Variants in MGMT observed in about 807,000 individuals in gnomAD.
The protein encoded by MGMT is methylated-DNA--protein-cysteine methyltransferase.
In MGMT, 14 loss-of-function variants were observed where a neutral mutation model predicts 15.9. The observed-to-expected ratio is 0.88, with a 90% confidence interval of 0.58 to 1.37. The LOEUF is 1.37. Among genes scored for constraint, MGMT ranks in the 40% most tolerant of loss-of-function variants. The probability of loss-of-function intolerance (pLI) is 0.00; values close to 1 mark genes in which losing one functional copy is unlikely to be tolerated. For missense variants in MGMT, 282 were observed against 268.1 expected (o/e 1.05, Z -0.36); for synonymous variants, 130 against 118.2 (o/e 1.10, Z -0.65).
intron 3 of MGMT, among the ~76,000 whole-genome samples, chr10:129,754,121 A>T (rs554197484): frequency 3.3e-5 from 5 of 152,256 alleles, no homozygotes; most frequent in East Asian, 1.9e-4. Flanking sequence ...TTAGGGTCAG[A>T]TACACATGTG....
At chr10:129,675,511 C>A (rs186643039) in intron 2 of MGMT, among the ~76,000 whole-genome samples, 12 of 152,274 alleles carry the variant, frequency 7.9e-5, no homozygotes, top group Admixed American at 2.0e-4. Context: ...GCCCGTGTTG[C>A]TGGCATGTGT....
chr10:129,768,817 C>T lies in MGMT; in HGVS notation c.*1820C>T, dbSNP rs532459245. On this transcript the variant is annotated 3_prime_UTR_variant, in exon 5 of 5. Coordinates refer to ENST00000651593, the MANE Select transcript of MGMT (RefSeq NM_002412.5). ...GTGGCTGGGCGGCACCCCGATGGCT[C>T]CCTGTGCTCCCTGAGACCCTACAGG... 2 of 152,560 alleles carry T rather than the reference C, an allele frequency of 1.3e-5. No homozygotes were observed. Among genetic ancestry groups the T allele is most frequent in the African/African-American group, 2.4e-5 (1 of 41,600 alleles). The allele number at this position is 152,560 out of a possible 1,614,324, so 9.5% of individuals were successfully genotyped here.
intron 2 of MGMT, among the ~76,000 whole-genome samples, chr10:129,670,992 GTC>G (rs1224067693): frequency 6.6e-6 from 1 of 152,028 alleles, no homozygotes; most frequent in Non-Finnish European, 1.5e-5. Context: ...TCCTTTCTGT[GTC>G]TGTAGCCTTC....
At chr10:129,605,918 G>A (rs1300600519) in intron 2 of MGMT, among the ~76,000 whole-genome samples, 1 of 152,004 alleles carries the variant, frequency 6.6e-6, no homozygotes, top group Admixed American at 6.6e-5. Flanking sequence ...AATAAAGAGG[G>A]ACATGAGTTA....
At chr10:129,642,585 C>T (rs1258240972) in intron 2 of MGMT, among the ~76,000 whole-genome samples, 3 of 152,194 alleles carry the variant, frequency 2.0e-5, no homozygotes, top group Non-Finnish European at 2.9e-5. Flanking sequence ...TGTCTGGCCT[C>T]AGGGGTGTGT....
chr10:129,506,811 T>C (rs886756256), intron 1 of MGMT, among the ~76,000 whole-genome samples: 1 of 152,130 alleles, frequency 6.6e-6, no homozygotes, highest in African/African-American at 2.4e-5. Context: ...CCCTTTAAAC[T>C]CCTAACCATT....
At chr10:129,646,453 C>T (rs1350250296) in intron 2 of MGMT, among the ~76,000 whole-genome samples, 1 of 151,836 alleles carries the variant, frequency 6.6e-6, no homozygotes. Context: ...AATAAAAGAC[C>T]TTTTATCCCA....
intron 2 of MGMT, chr10:129,564,219 TTCCCC>T: frequency 1.7e-5 from 1 of 59,356 alleles, no homozygotes. Flanking sequence ...CTCCCCCTCC[TTCCCC>T]CTTCCCCCTC....
chr10:129,635,707 G>A (rs112158577), intron 2 of MGMT, among the ~76,000 whole-genome samples: 26 of 152,274 alleles, frequency 1.7e-4, no homozygotes, highest in African/African-American at 5.8e-4. Flanking sequence ...TCTGATCATC[G>A]ATAGCACTTT....
At chr10:129,473,084 A>G (rs1222192270) in intron 1 of MGMT, among the ~76,000 whole-genome samples, 1 of 152,176 alleles carries the variant, frequency 6.6e-6, no homozygotes, top group Admixed American at 6.6e-5. Context: ...GAGCCTTGAC[A>G]TTATTCATCT....
intron 2 of MGMT, among the ~76,000 whole-genome samples, chr10:129,586,484 A>G (rs2133050631): frequency 6.6e-6 from 1 of 152,326 alleles, no homozygotes; most frequent in Non-Finnish European, 1.5e-5. Context: ...TATGAATGGA[A>G]TTATAACGTA....
At chr10:129,607,896 G>C (rs1480633417) in intron 2 of MGMT, among the ~76,000 whole-genome samples, 1 of 152,328 alleles carries the variant, frequency 6.6e-6, no homozygotes, top group Non-Finnish European at 1.5e-5. Flanking sequence ...AGAGGAGGAC[G>C]TGGGGTTAGC....
At chr10:129,534,404 A>G (rs932529550) in intron 1 of MGMT, among the ~76,000 whole-genome samples, 1 of 152,090 alleles carries the variant, frequency 6.6e-6, no homozygotes, top group African/African-American at 2.4e-5. Context: ...ATCGAATGGG[A>G]TCCGGTTCAA....
chr10:129,509,907 A>G (rs1845663245), intron 1 of MGMT, among the ~76,000 whole-genome samples: 1 of 152,206 alleles, frequency 6.6e-6, no homozygotes, highest in Non-Finnish European at 1.5e-5. Context: ...GACTTGGGGC[A>G]CCCACCTGGG....
chr10:129,751,047 G>C (rs1175568283), intron 3 of MGMT, among the ~76,000 whole-genome samples: 2 of 152,050 alleles, frequency 1.3e-5, no homozygotes, highest in East Asian at 1.9e-4. Context: ...TTTTGATGGT[G>C]GAGTAATGCT....
At chr10:129,576,085 C>A (rs1262713039) in intron 2 of MGMT, among the ~76,000 whole-genome samples, 2 of 152,188 alleles carry the variant, frequency 1.3e-5, no homozygotes. Context: ...TATGGATTCG[C>A]AGCCGAATTC....
intron 1 of MGMT, among the ~76,000 whole-genome samples, chr10:129,471,780 G>A (rs1466193941): frequency 6.6e-6 from 1 of 152,106 alleles, no homozygotes; most frequent in East Asian, 1.9e-4. Flanking sequence ...AAGGCCTTAG[G>A]ATCCTCTGGG....
intron 1 of MGMT, among the ~76,000 whole-genome samples, chr10:129,506,722 A>G (rs1845629391): frequency 1.3e-5 from 2 of 151,712 alleles, no homozygotes; most frequent in Admixed American, 6.6e-5. Context: ...ACAACTCCAT[A>G]CTTCACATTT....
At chr10:129,638,097 A>T (rs1178769038) in intron 2 of MGMT, among the ~76,000 whole-genome samples, 1 of 152,154 alleles carries the variant, frequency 6.6e-6, no homozygotes, top group Admixed American at 6.5e-5. Flanking sequence ...GAAGGGGAAC[A>T]TATGCTCAGG....
Sources: gnomAD v4.1 joint callset for allele counts (sites outside exome capture counted in the v4.1 genomes callset) on GRCh38, gnomAD v4.1.1 for gene constraint, MANE v1.5 for transcripts, NCBI Gene and HGNC (gene_info 2026-07-23, HGNC 2026-07-21) for gene names.